The following ANKRD18A variants were observed in gnomAD, a reference collection of about 807,000 sequenced individuals.
ANKRD18A encodes the protein ankyrin repeat domain-containing protein 18A.
A neutral mutation model predicts 110.6 loss-of-function variants in ANKRD18A; 72 were observed. That is an observed-to-expected ratio of 0.65 (90% CI 0.54 to 0.79). The LOEUF is 0.79. Among genes scored for constraint, ANKRD18A ranks in the 30% least tolerant of loss-of-function variants. ANKRD18A has a pLI of 0.00. For missense variants in ANKRD18A, 934 were observed against 1,163.3 expected (o/e 0.80, Z 2.87); for synonymous variants, 305 against 410.3 (o/e 0.74, Z 3.10).
chr9:38,608,777 T>G (rs553190078), intron 5 of ANKRD18A, among the ~76,000 whole-genome samples: 1 of 149,852 alleles, frequency 6.7e-6, no homozygotes, highest in East Asian at 2.0e-4. Flanking sequence ...ATATAAGAGA[T>G]TTTCATTATT....
intron 10 of ANKRD18A, among the ~76,000 whole-genome samples, chr9:38,589,872 T>C (rs962710993): frequency 4.6e-5 from 7 of 152,322 alleles, no homozygotes; most frequent in African/African-American, 1.4e-4. Flanking sequence ...TCCTAATATC[T>C]CAAAACATTA....
At chr9:38,568,857 C>A (rs1408927270), downstream of ANKRD18A, 8 of 985,420 alleles carry the variant, frequency 8.1e-6, no homozygotes, top group Non-Finnish European at 7.2e-6. Flanking sequence ...GGGCCAGGAC[C>A]CTTTAGGTAT....
At chr9:38,589,248 G>A (rs1824527418) in intron 10 of ANKRD18A, among the ~76,000 whole-genome samples, 1 of 152,142 alleles carries the variant, frequency 6.6e-6, no homozygotes, top group African/African-American at 2.4e-5. Context: ...ACTTTTTGTG[G>A]CTTTTCTATT....
chr9:38,569,527 C>G (rs1324450198), downstream of ANKRD18A: 42 of 875,080 alleles, frequency 4.8e-5, no homozygotes, highest in Non-Finnish European at 5.8e-5. Flanking sequence ...GATGGGGACT[C>G]AGCAAGAGTG....
intron 1 of ANKRD18A, among the ~76,000 whole-genome samples, chr9:38,619,560 T>C (rs1587554322): frequency 6.6e-6 from 1 of 152,306 alleles, no homozygotes; most frequent in East Asian, 1.9e-4. Flanking sequence ...GCAAGTGTCA[T>C]GCAAAAATGA....
At chr9:38,586,552 T>TG (rs1824388505) in intron 11 of ANKRD18A, among the ~76,000 whole-genome samples, 1 of 151,520 alleles carries the variant, frequency 6.6e-6, no homozygotes, top group African/African-American at 2.4e-5. Flanking sequence ...ATACAGTTTT[T>TG]GGTTTTTTTT....
intron 3 of ANKRD18A, among the ~76,000 whole-genome samples, chr9:38,613,193 G>A (rs1825712694): frequency 6.6e-6 from 1 of 151,328 alleles, no homozygotes; most frequent in African/African-American, 2.4e-5. Context: ...TGGAGAATAT[G>A]TGCCTCCTAC....
chr9:38,611,655 T>C (rs925887613), intron 3 of ANKRD18A, among the ~76,000 whole-genome samples: 2 of 152,160 alleles, frequency 1.3e-5, no homozygotes, highest in Non-Finnish European at 2.9e-5. Flanking sequence ...GCAAGGGCTG[T>C]ATCTTTTTTC....
In ANKRD18A at chr9:38,588,585, T is replaced by G; in HGVS notation, c.2083A>C (p.Lys695Gln). ...TCTTCTTCTAATTCACGATTTTTCT[T>G]TCTTATTTGGTCCGCAGTATAGTTC... is the stretch of plus-strand genomic sequence containing the variant. ...LLNYTADQIR[K>Q]KNRELEEEAT... Residue 695 changes from lysine to glutamine, a missense_variant, in exon 11 of 16, where the codon AAG becomes CAG. Lys to Gln is a moderately conservative substitution (Grantham distance 53). Transcript: ENST00000399703. The G allele has an allele frequency of 7.2e-7, 1 of 1,391,054 alleles. No homozygotes were observed. The highest frequency in any genetic ancestry group is 9.4e-7 in the Non-Finnish European group (1 of 1,065,664). The allele number at this position is 1,391,054 out of a possible 1,614,324, so 86.2% of individuals were successfully genotyped here. A position where few individuals can be genotyped will look rare whatever the true frequency, so the allele number is the denominator to read the frequency against.
intron 3 of ANKRD18A, among the ~76,000 whole-genome samples, chr9:38,614,371 C>A (rs1194586696): frequency 1.3e-5 from 2 of 152,004 alleles, no homozygotes; most frequent in Non-Finnish European, 2.9e-5. Flanking sequence ...TGGACTTAAA[C>A]TCCTAGGCTC....
chr9:38,566,421 C>G (rs1005736095), downstream of ANKRD18A: 6 of 152,172 alleles, frequency 3.9e-5, no homozygotes, highest in African/African-American at 1.4e-4. Context: ...TTATTTCTAT[C>G]TGAGACCTCC....
chr9:38,613,296 A>C (rs1346512338), intron 3 of ANKRD18A, among the ~76,000 whole-genome samples: 1 of 151,982 alleles, frequency 6.6e-6, no homozygotes, highest in Non-Finnish European at 1.5e-5. Flanking sequence ...CTTCTGCATG[A>C]GTCCACTAAA....
At chr9:38,566,799 A>G (rs1389400880), downstream of ANKRD18A, 1 of 152,202 alleles carries the variant, frequency 6.6e-6, no homozygotes, top group African/African-American at 2.4e-5. Flanking sequence ...AAACATGCAG[A>G]GTAGGGAGGT....
At chr9:38,589,190 T>C (rs1824523351) in intron 10 of ANKRD18A, among the ~76,000 whole-genome samples, 6 of 152,240 alleles carry the variant, frequency 3.9e-5, no homozygotes, top group Admixed American at 3.9e-4. Flanking sequence ...CATTTCTCTT[T>C]AAACAAAGTT....
chr9:38,611,817 A>T (rs2118875085), intron 3 of ANKRD18A, among the ~76,000 whole-genome samples: 1 of 152,350 alleles, frequency 6.6e-6, no homozygotes, highest in African/African-American at 2.4e-5. Flanking sequence ...CAACAAAAAG[A>T]TTCCATGATC....
chr9:38,603,839 T>G (rs1008896974), intron 6 of ANKRD18A, among the ~76,000 whole-genome samples: 1 of 152,226 alleles, frequency 6.6e-6, no homozygotes, highest in African/African-American at 2.4e-5. Flanking sequence ...AGCAGTTCCT[T>G]GTTGTTTCTT....
intron 15 of ANKRD18A, chr9:38,572,792 G>A (rs1266809195): frequency 1.7e-5 from 3 of 180,886 alleles, no homozygotes; most frequent in Admixed American, 6.2e-5. Context: ...TCAGTGTGCT[G>A]GCTGACAGTT....
intron 12 of ANKRD18A, among the ~76,000 whole-genome samples, chr9:38,584,665 C>A (rs562584915): frequency 7.9e-5 from 12 of 152,164 alleles, no homozygotes. Context: ...ATAAGAGAAT[C>A]AACAGCACAT....
At chr9:38,570,559 C>T (rs2381850), downstream of ANKRD18A, among the ~76,000 whole-genome samples, 826 of 152,306 alleles carry the variant, frequency 5.4e-3, 1 homozygote, top group African/African-American at 0.011. Flanking sequence ...TTCACTGAGG[C>T]GGCCACCACT....
Sources: allele counts gnomAD v4.1 joint callset (sites outside exome capture counted in the v4.1 genomes callset), GRCh38; gene constraint gnomAD v4.1.1; transcripts MANE v1.5; gene names NCBI Gene and HGNC (gene_info 2026-07-23, HGNC 2026-07-21).